RASEF: variants seen among roughly 807,000 people sequenced by gnomAD.
RASEF encodes ras and EF-hand domain-containing protein.
RASEF carries 68 observed loss-of-function variants against 90.1 expected under a neutral mutation model. The observed-to-expected ratio is 0.75, with a 90% CI of 0.62 to 0.92. The LOEUF (loss-of-function observed/expected upper bound fraction) is 0.92, where lower values mean the gene tolerates loss of function less well. Among genes scored for constraint, RASEF ranks in the 40% least tolerant of loss-of-function variants. RASEF has a pLI of 0.00. For missense variants in RASEF, 949 were observed against 937.2 expected, an observed-to-expected ratio of 1.01 and a Z score of -0.16; for synonymous variants, 331 against 345.2, an observed-to-expected ratio of 0.96 and a Z score of 0.46.
chr9:83,016,786 T>C (rs762908092), intron 3 of RASEF, among the ~76,000 whole-genome samples: 1 of 152,162 alleles, frequency 6.6e-6, no homozygotes, highest in Non-Finnish European at 1.5e-5. Flanking sequence ...CTCTGCAGCA[T>C]GCTCCCACAT....
chr9:83,204,883 A>G, the RASEF span, among the ~76,000 whole-genome samples: 50 of 152,362 alleles, frequency 3.3e-4, no homozygotes, highest in African/African-American at 1.1e-3. Context: ...TTTGCCAATT[A>G]TAATTCTCAA....
At chr9:83,158,890 T>C in the RASEF span, among the ~76,000 whole-genome samples, 2 of 151,536 alleles carry the variant, frequency 1.3e-5, no homozygotes, top group African/African-American at 2.4e-5. Flanking sequence ...TTGAAGCTGA[T>C]GTTGAAATTT....
chr9:83,010,361 A>T (rs1198437917), intron 5 of RASEF, among the ~76,000 whole-genome samples: 1 of 152,214 alleles, frequency 6.6e-6, no homozygotes, highest in Non-Finnish European at 1.5e-5. Context: ...AACCAATAAC[A>T]GTTAAAAGAA....
intron 1 of RASEF, among the ~76,000 whole-genome samples, chr9:83,057,283 A>T (rs961494528): frequency 6.6e-6 from 1 of 152,228 alleles, no homozygotes; most frequent in Non-Finnish European, 1.5e-5. Context: ...TTATATCTAG[A>T]AAACCCTAAA....
At chr9:83,016,251 AATCCT>A (rs1348210465) in intron 3 of RASEF, among the ~76,000 whole-genome samples, 4 of 152,238 alleles carry the variant, frequency 2.6e-5, no homozygotes, top group African/African-American at 7.2e-5. Flanking sequence ...CAGTGACCGG[AATCCT>A]ATCATGTCAT....
the RASEF span, among the ~76,000 whole-genome samples, chr9:83,090,923 C>T: frequency 1.3e-5 from 2 of 151,836 alleles, no homozygotes; most frequent in Non-Finnish European, 2.9e-5. Context: ...ATAATAAAGT[C>T]TATATTATCT....
intron 16 of RASEF, among the ~76,000 whole-genome samples, chr9:82,989,862 A>T (rs1414201910): frequency 9.2e-5 from 14 of 152,220 alleles, no homozygotes; most frequent in Admixed American, 9.2e-4. Flanking sequence ...TCAAGGATTA[A>T]AACACATACA....
chr9:83,175,846 C>T, the RASEF span, among the ~76,000 whole-genome samples: 497 of 152,316 alleles, frequency 3.3e-3, 4 homozygotes, highest in Middle Eastern at 0.02. Flanking sequence ...TCCCAAAGTG[C>T]TGGGATACAG....
intron 4 of RASEF, among the ~76,000 whole-genome samples, chr9:83,012,955 T>A (rs1829275538): frequency 6.6e-6 from 1 of 152,240 alleles, no homozygotes; most frequent in Non-Finnish European, 1.5e-5. Flanking sequence ...AGTGTCAGAT[T>A]CACCTATGTT....
At chr9:83,133,596 G>T in the RASEF span, among the ~76,000 whole-genome samples, 40 of 152,166 alleles carry the variant, frequency 2.6e-4, no homozygotes, top group East Asian at 7.0e-3. Context: ...CTAAAGTCTA[G>T]TCAAAGTTAG....
chr9:83,091,166 G>T, the RASEF span, among the ~76,000 whole-genome samples: 11 of 152,218 alleles, frequency 7.2e-5, no homozygotes, highest in South Asian at 1.5e-3. Flanking sequence ...TGAGTGTTTG[G>T]TTTTTTCTCA....
chr9:83,095,764 C>G, the RASEF span, among the ~76,000 whole-genome samples: 2 of 151,912 alleles, frequency 1.3e-5, no homozygotes, highest in Admixed American at 6.6e-5. Flanking sequence ...GTTCCTTTGG[C>G]CTATCTTATC....
rs1409464954 is a variant in RASEF, at chr9:83,063,033, G to A, written c.-166C>T. The stretch of plus-strand genomic sequence containing the variant: ...TCGGGCGGGGCGAGGAACGTCGGGG[G>A]TGGCCGAGCGGCTCCCTTCGACGAC... On this transcript the variant is annotated 5_prime_UTR_variant, in exon 1 of 17. Transcript: ENST00000376447. 4.2e-6 allele frequency: 3 copies of A among 707,658 alleles called. No individual in the cohort carries two copies. The highest frequency in any genetic ancestry group is 3.4e-5 in the East Asian group (1 of 29,416). 43.8% of individuals were successfully genotyped at this position (707,658 alleles called of 1,614,324 possible). A position where few individuals can be genotyped will look rare whatever the true frequency, so the allele number is the denominator to read the frequency against.
chr9:83,086,441 A>G, the RASEF span, among the ~76,000 whole-genome samples: 2 of 152,192 alleles, frequency 1.3e-5, no homozygotes, highest in East Asian at 1.9e-4. Context: ...TTCTCAATGT[A>G]TATTAGTAGT....
chr9:83,162,655 A>G, the RASEF span, among the ~76,000 whole-genome samples: 10 of 152,244 alleles, frequency 6.6e-5, no homozygotes, highest in Admixed American at 6.5e-4. Flanking sequence ...TTAGGTCTGT[A>G]TGAGAGGTGA....
intron 13 of RASEF, 96 bp downstream of exon 13, chr9:82,998,269 T>TAGCCCC: frequency 1.5e-6 from 1 of 682,248 alleles, no homozygotes; most frequent in Non-Finnish European, 2.6e-6. Flanking sequence ...AAGTATGTTA[T>TAGCCCC]AATTATAGAA....
the RASEF span, among the ~76,000 whole-genome samples, chr9:83,143,959 T>C: frequency 2.0e-5 from 3 of 152,136 alleles, no homozygotes; most frequent in South Asian, 6.2e-4. Flanking sequence ...CACCATGGAA[T>C]AGTACGCAAC....
At chr9:83,070,079 G>A in the RASEF span, among the ~76,000 whole-genome samples, 1 of 150,786 alleles carries the variant, frequency 6.6e-6, no homozygotes, top group Admixed American at 6.6e-5. Context: ...TTGAAAATCT[G>A]TGCTTTGCCT....
chr9:83,211,406 A>T, the RASEF span, among the ~76,000 whole-genome samples: 23 of 152,286 alleles, frequency 1.5e-4, no homozygotes, highest in Non-Finnish European at 2.8e-4. Flanking sequence ...TTCTGCTGGG[A>T]TATTGAACTG....
Sources: allele counts gnomAD v4.1 joint callset (sites outside exome capture counted in the v4.1 genomes callset), GRCh38; gene constraint gnomAD v4.1.1; transcripts MANE v1.5; gene names NCBI Gene and HGNC (gene_info 2026-07-23, HGNC 2026-07-21).